ADAM18: variants seen among roughly 807,000 people sequenced by gnomAD.
ADAM18 encodes disintegrin and metalloproteinase domain-containing protein 18.
ADAM18 carries 117 observed loss-of-function variants against 94.4 expected under a neutral mutation model. The observed-to-expected ratio is 1.24, with a 90% CI of 1.07 to 1.45. ADAM18 has a LOEUF of 1.45. ADAM18 is among the 40% of genes most tolerant of loss of function. ADAM18 has a pLI of 0.00. For synonymous variants in ADAM18, 327 were observed against 291.6 expected, an observed-to-expected ratio of 1.12 and a Z score of -1.24; for missense variants, 936 against 880.0, an observed-to-expected ratio of 1.06 and a Z score of -0.81.
At chr8:39,623,851 C>A (rs923426681) in intron 6 of ADAM18, among the ~76,000 whole-genome samples, 1 of 152,106 alleles carries the variant, frequency 6.6e-6, no homozygotes, top group Non-Finnish European at 1.5e-5. Flanking sequence ...CTGCCTTGGC[C>A]TCCCAAAGTG....
chr8:39,591,166 C>A (rs142001768), intron 2 of ADAM18, among the ~76,000 whole-genome samples: 2 of 152,078 alleles, frequency 1.3e-5, no homozygotes, highest in Non-Finnish European at 2.9e-5. Context: ...TACAATCAGG[C>A]CTTGTCTGAT....
intron 18 of ADAM18, among the ~76,000 whole-genome samples, chr8:39,708,862 T>C (rs924258422): frequency 1.3e-5 from 2 of 152,216 alleles, no homozygotes; most frequent in Admixed American, 6.5e-5. Flanking sequence ...GTGAGCACTT[T>C]TGAGCATTGG....
At chr8:39,694,329 A>G (rs1212278441) in intron 17 of ADAM18, among the ~76,000 whole-genome samples, 1 of 151,362 alleles carries the variant, frequency 6.6e-6, no homozygotes, top group Non-Finnish European at 1.5e-5. Context: ...TTCTGCATCT[A>G]TTGACTTTAC....
chr8:39,638,904 T>C (rs975860224), intron 10 of ADAM18, among the ~76,000 whole-genome samples: 2 of 151,844 alleles, frequency 1.3e-5, no homozygotes, highest in Non-Finnish European at 2.9e-5. Flanking sequence ...AATTTGTGCT[T>C]GCAATTTTAC....
chr8:39,604,257 G>C (rs1336051882), intron 2 of ADAM18, among the ~76,000 whole-genome samples: 4 of 152,126 alleles, frequency 2.6e-5, no homozygotes, highest in Admixed American at 6.5e-5. Context: ...AAGTGCTTCG[G>C]ACCATACTAG....
chr8:39,667,922 T>C, intron 13 of ADAM18, 76 bp from the exon 14 acceptor site: 2 of 1,411,992 alleles, frequency 1.4e-6, no homozygotes, highest in Non-Finnish European at 2.0e-6. Context: ...AAACATTTTA[T>C]GTGATAAATC....
At chr8:39,607,457 A>T (rs1819121710) in intron 3 of ADAM18, among the ~76,000 whole-genome samples, 1 of 152,196 alleles carries the variant, frequency 6.6e-6, no homozygotes, top group South Asian at 2.1e-4. Context: ...TTAATTCATG[A>T]CTACCCTACT....
intron 17 of ADAM18, among the ~76,000 whole-genome samples, chr8:39,705,339 T>C (rs1455637345): frequency 6.6e-6 from 1 of 152,170 alleles, no homozygotes; most frequent in Non-Finnish European, 1.5e-5. Flanking sequence ...CTGTTTCTTT[T>C]AAAGTTAGCA....
At chr8:39,699,168 A>T (rs2129581053) in intron 17 of ADAM18, among the ~76,000 whole-genome samples, 1 of 152,182 alleles carries the variant, frequency 6.6e-6, no homozygotes, top group South Asian at 2.1e-4. Flanking sequence ...GAGGACAATC[A>T]TTAGTTTGAA....
chr8:39,661,154 C>CTTT (rs34697066), intron 12 of ADAM18, among the ~76,000 whole-genome samples: 38 of 116,748 alleles, frequency 3.3e-4, no homozygotes, highest in South Asian at 5.7e-4. Context: ...TCTTCTTCTT[C>CTTT]TTTTTTTTTT....
chr8:39,701,904 T>A (rs1822089688), intron 17 of ADAM18, among the ~76,000 whole-genome samples: 1 of 152,200 alleles, frequency 6.6e-6, no homozygotes, highest in African/African-American at 2.4e-5. Flanking sequence ...GGCATTTAGG[T>A]TGATTCCATG....
chr8:39,663,964 A>G (rs1820923334), intron 13 of ADAM18, 74 bp downstream of exon 13: 5 of 943,208 alleles, frequency 5.3e-6, no homozygotes, highest in Non-Finnish European at 8.1e-6. Flanking sequence ...ATCAATGTGC[A>G]ATTAATAAAA....
Position 39,723,820 on chromosome 8 carries a change from T to G in ADAM18, c.2090T>G (p.Leu697Arg), listed in dbSNP as rs1170706165. The part of the protein sequence containing the change: ...NWFILSFCIF[L>R]PFFIVFTTVI... ...TTTATTCTGAGTTTCTGCATTTTTC[T>G]GCCGTTTTTCATAGTTTTCACCACT... Residue 697 changes from leucine to arginine, a missense_variant, in exon 19 of 20, where the codon CTG becomes CGG. Transcript: ENST00000265707. The G allele has an allele frequency of 6.3e-7, 1 of 1,588,212 alleles. No individual in the cohort carries two copies. The highest frequency in any genetic ancestry group is 1.8e-5 in the Admixed American group (1 of 56,602).
At chr8:39,595,992 A>G (rs1024876655) in intron 2 of ADAM18, among the ~76,000 whole-genome samples, 24 of 152,218 alleles carry the variant, frequency 1.6e-4, no homozygotes, top group African/African-American at 5.5e-4. Flanking sequence ...GGAACCAGAA[A>G]TCTGATCTTA....
At chr8:39,670,486 T>G (rs1821124154) in intron 14 of ADAM18, among the ~76,000 whole-genome samples, 1 of 152,200 alleles carries the variant, frequency 6.6e-6, no homozygotes, top group Non-Finnish European at 1.5e-5. Flanking sequence ...GTAGTTACAT[T>G]AAGTTTGCAT....
At chr8:39,702,513 T>A (rs1210321643) in intron 17 of ADAM18, among the ~76,000 whole-genome samples, 2 of 152,216 alleles carry the variant, frequency 1.3e-5, no homozygotes, top group Admixed American at 6.5e-5. Context: ...CAATTTTTGC[T>A]TTTGTTTCAA....
intron 1 of ADAM18, 59 bp from the exon 2 acceptor site, chr8:39,585,217 G>C (rs1818363362): frequency 3.5e-6 from 5 of 1,412,540 alleles, no homozygotes; most frequent in Non-Finnish European, 5.0e-6. Flanking sequence ...ACCCGTGCTT[G>C]ACTGAGACGA....
At chr8:39,657,252 A>C (rs1820712681) in intron 12 of ADAM18, among the ~76,000 whole-genome samples, 1 of 152,168 alleles carries the variant, frequency 6.6e-6, no homozygotes, top group South Asian at 2.1e-4. Context: ...ATAGACTGTT[A>C]AAAGTCAAGA....
chr8:39,594,916 T>C (rs1465442556), intron 2 of ADAM18, among the ~76,000 whole-genome samples: 1 of 151,540 alleles, frequency 6.6e-6, no homozygotes, highest in East Asian at 1.9e-4. Context: ...CTATTTCTTG[T>C]GAGTACCTTT....
Sources: allele counts gnomAD v4.1 joint callset (sites outside exome capture counted in the v4.1 genomes callset), GRCh38; gene constraint gnomAD v4.1.1; transcripts MANE v1.5; gene names NCBI Gene and HGNC (gene_info 2026-07-23, HGNC 2026-07-21).